The following DOK7 variants were observed in gnomAD, a reference collection of about 807,000 sequenced individuals.
The protein encoded by DOK7 is protein Dok-7.
DOK7 carries 32 observed loss-of-function variants against 30.7 expected under a neutral mutation model. That is an observed-to-expected ratio of 1.04 (90% CI 0.79 to 1.40). DOK7 has a LOEUF of 1.40. Among genes scored for constraint, DOK7 ranks in the 40% most tolerant of loss-of-function variants. The pLI, the probability that DOK7 is intolerant of heterozygous loss-of-function variation, is 0.00. For synonymous variants in DOK7, 447 were observed against 324.1 expected (o/e 1.38, Z -4.07); for missense variants, 1,007 against 699.2 (o/e 1.44, Z -4.97).
chr4:3,478,234 G>T (rs73793926), intron 4 of DOK7, among the ~76,000 whole-genome samples: 1,661 of 152,304 alleles, frequency 0.011, 29 homozygotes, highest in African/African-American at 0.037. Context: ...TGCTTATTTT[G>T]TCTGGGCCAT....
Position 3,494,177 on chromosome 4 carries a change from G to A in DOK7, c.*676G>A, listed in dbSNP as rs561645495. On this transcript the variant is annotated 3_prime_UTR_variant, in exon 7 of 7. Transcript: ENST00000340083. ...GCAGCCTCGCCTGCTGACCCCACTGGGAGAGGCGCCGTGCCTCGGGCCCCT... is the reference window on the plus strand; with the variant it reads ...GCAGCCTCGCCTGCTGACCCCACTGAGAGAGGCGCCGTGCCTCGGGCCCCT... The A allele has an allele frequency of 1.0e-6, 1 of 985,528 alleles. No homozygotes were observed. The allele number at this position is 985,528 out of a possible 1,614,324, so 61.0% of individuals were successfully genotyped here. A position where few individuals can be genotyped will look rare whatever the true frequency, so the allele number is the denominator to read the frequency against.
chr4:3,488,207 G>T (rs982595497), intron 5 of DOK7, among the ~76,000 whole-genome samples: 4 of 152,228 alleles, frequency 2.6e-5, no homozygotes, highest in Admixed American at 1.3e-4. Flanking sequence ...GGCTGACCGG[G>T]GCAGTGCCTT....
chr4:3,476,693 C>A, intron 4 of DOK7, 151 bp downstream of exon 4: 1 of 1,036,894 alleles, frequency 9.6e-7, no homozygotes, highest in Non-Finnish European at 1.4e-6. Flanking sequence ...TCCCCACGCT[C>A]GATGTCCAAG....
At chr4:3,466,413 C>A (rs932695765) in intron 2 of DOK7, among the ~76,000 whole-genome samples, 1 of 152,184 alleles carries the variant, frequency 6.6e-6, no homozygotes, top group African/African-American at 2.4e-5. Context: ...TGGGGCCCTG[C>A]CCTCCACAGC....
intron 5 of DOK7, among the ~76,000 whole-genome samples, chr4:3,486,646 T>G (rs1293362000): frequency 1.3e-5 from 2 of 152,098 alleles, no homozygotes; most frequent in Non-Finnish European, 2.9e-5. Flanking sequence ...TGCCCTGCCA[T>G]GCTGGATGGT....
chr4:3,494,517 G>A (rs1205545750), downstream of DOK7: 13 of 985,466 alleles, frequency 1.3e-5, no homozygotes, highest in Admixed American at 6.1e-5. Context: ...AGCCCTCTCC[G>A]CCTCCTCGCC....
At chr4:3,482,772 C>T (rs957711348) in intron 4 of DOK7, among the ~76,000 whole-genome samples, 5 of 152,226 alleles carry the variant, frequency 3.3e-5, no homozygotes, top group Non-Finnish European at 7.3e-5. Flanking sequence ...AGCAGCCTCT[C>T]ACCTATGTCT....
intron 4 of DOK7, among the ~76,000 whole-genome samples, chr4:3,481,130 G>T (rs1175877020): frequency 6.6e-6 from 1 of 152,044 alleles, no homozygotes; most frequent in Non-Finnish European, 1.5e-5. Flanking sequence ...AGGAGGAGGA[G>T]ACAGGGCTGG....
At chr4:3,500,685 C>T (rs1438603324) in intron 7 of DOK7, 2 of 1,535,826 alleles carry the variant, frequency 1.3e-6, no homozygotes, top group East Asian at 2.4e-5. Context: ...CTACAGAATT[C>T]TTTCAGGGGC....
intron 5 of DOK7, among the ~76,000 whole-genome samples, chr4:3,488,338 C>A (rs982464695): frequency 6.6e-6 from 1 of 152,362 alleles, no homozygotes; most frequent in South Asian, 2.1e-4. Context: ...CTGATGGGGT[C>A]TCCTGTAGTG....
chr4:3,495,340 C>T (rs1728848465), downstream of DOK7, among the ~76,000 whole-genome samples: 1 of 152,196 alleles, frequency 6.6e-6, no homozygotes, highest in African/African-American at 2.4e-5. Flanking sequence ...ATCATCCACG[C>T]TCAGCCCTCT....
chr4:3,468,625 CGTGTGTATAT>C, intron 2 of DOK7, among the ~76,000 whole-genome samples: 1 of 137,442 alleles, frequency 7.3e-6, no homozygotes, highest in South Asian at 2.5e-4. Flanking sequence ...TTTGTGTGTG[CGTGTGTATAT>C]GCCTGTGTGT....
intron 2 of DOK7, 133 bp downstream of exon 2, chr4:3,463,684 G>A: frequency 8.4e-7 from 1 of 1,190,994 alleles, no homozygotes; most frequent in Non-Finnish European, 1.2e-6. Context: ...GCCCCGTGCG[G>A]ACCCGGACCC....
downstream of DOK7, among the ~76,000 whole-genome samples, chr4:3,498,044 G>A (rs1380406754): frequency 6.6e-6 from 1 of 152,176 alleles, no homozygotes; most frequent in East Asian, 1.9e-4. Flanking sequence ...CAGAGGCCGG[G>A]GGCTCAGGAG....
chr4:3,492,747 G>C lies in DOK7; in HGVS notation c.773-12G>C, dbSNP rs1553849944. ...ACCCCCACAACTGCCTTGGCTTCCT[G>C]CTCTGTCTCAGGGGATGACCGCAGC... On this transcript the variant is annotated splice_polypyrimidine_tract_variant and intron_variant, in intron 6 of 6. Coordinates refer to ENST00000340083, the MANE Select transcript of DOK7 (RefSeq NM_173660.5). 2 of 1,611,918 alleles carry C rather than the reference G, an allele frequency of 1.2e-6. No individual in the cohort carries two copies. Among genetic ancestry groups the C allele is most frequent in the South Asian group, 1.1e-5 (1 of 91,082 alleles).
Position 3,484,681 on chromosome 4 carries a change from G to A in DOK7, c.533-858G>A, listed in dbSNP as rs144359096. ...TGGGCTGGTCCCTGGGGGCCCTCCT[G>A]CTGCTGTGGGGGTGCAGGGGTGGAT... On this transcript the variant is annotated intron_variant, in intron 4 of 6. Coordinates refer to ENST00000340083, the MANE Select transcript of DOK7 (RefSeq NM_173660.5). The A allele has an allele frequency of 4.8e-3, 4,723 of 985,550 alleles. 15 individuals are homozygous for A. The highest frequency in any genetic ancestry group is 0.012 in the Middle Eastern group (23 of 1,916). The allele number at this position is 985,550 out of a possible 1,614,324, so 61.1% of individuals were successfully genotyped here.
intron 5 of DOK7, among the ~76,000 whole-genome samples, chr4:3,487,709 G>A (rs1352309646): frequency 6.6e-6 from 1 of 152,220 alleles, no homozygotes; most frequent in African/African-American, 2.4e-5. Flanking sequence ...GAGTCGATCC[G>A]TGTCTTGCTG....
At chr4:3,486,130 C>A (rs1458645116) in intron 5 of DOK7, among the ~76,000 whole-genome samples, 1 of 152,224 alleles carries the variant, frequency 6.6e-6, no homozygotes, top group Non-Finnish European at 1.5e-5. Flanking sequence ...CGGGAGGTCC[C>A]CTGGCTGTGG....
chr4:3,493,326 T>G lies in DOK7; in HGVS notation c.1340T>G (p.Leu447Arg). The G allele has an allele frequency of 6.2e-7, 1 of 1,603,290 alleles. No individual in the cohort carries two copies. The highest frequency in any genetic ancestry group is 1.7e-5 in the Admixed American group (1 of 59,010). ...QTSAGCPSGW[L>R]GTRRRGLVME... ...TCCGCCGGGTGTCCCTCTGGCTGGC[T>G]GGGCACGAGACGGCGGGGCCTGGTG... is the stretch of plus-strand genomic sequence containing the variant. Residue 447 changes from leucine (L) to arginine (R), a missense_variant, in exon 7 of 7, where the codon CTG becomes CGG. Transcript: ENST00000340083.
Sources: gnomAD v4.1 joint callset for allele counts (sites outside exome capture counted in the v4.1 genomes callset) on GRCh38, gnomAD v4.1.1 for gene constraint, MANE v1.5 for transcripts, NCBI Gene and HGNC (gene_info 2026-07-23, HGNC 2026-07-21) for gene names.